KCNH7: variants seen among roughly 807,000 people sequenced by gnomAD.
KCNH7 encodes potassium voltage-gated channel subfamily H member 7, also known as voltage-gated inwardly rectifying potassium channel KCNH7.
In KCNH7, 49 loss-of-function variants were observed where a neutral mutation model predicts 120.8. The ratio of observed to expected loss-of-function variants is 0.41; its 90% CI spans 0.32 to 0.51. KCNH7 has a LOEUF of 0.51. Among genes scored for constraint, KCNH7 ranks in the 20% least tolerant of loss-of-function variants. KCNH7 has a pLI of 0.38. For synonymous variants in KCNH7, 547 were observed against 516.1 expected (o/e 1.06, Z -0.81); for missense variants, 1,097 against 1,446.6 (o/e 0.76, Z 3.92).
At chr2:162,784,560 A>G (rs1251274948) in intron 2 of KCNH7, 4 of 152,148 alleles carry the variant, frequency 2.6e-5, no homozygotes, top group African/African-American at 9.7e-5. Flanking sequence ...AAGTGGTTTT[A>G]TGTTAAATTT....
intron 2 of KCNH7, among the ~76,000 whole-genome samples, chr2:162,815,820 C>G (rs752747975): frequency 6.6e-6 from 1 of 152,174 alleles, no homozygotes; most frequent in Non-Finnish European, 1.5e-5. Flanking sequence ...TTTCAGTCTT[C>G]CAACAAAGTT....
intron 2 of KCNH7, among the ~76,000 whole-genome samples, chr2:162,754,033 C>T (rs1688703773): frequency 1.3e-5 from 2 of 151,962 alleles, no homozygotes; most frequent in Admixed American, 1.3e-4. Context: ...CAAGATAAAA[C>T]ACTATCCAAA....
At chr2:162,805,365 A>G (rs186002115) in intron 2 of KCNH7, among the ~76,000 whole-genome samples, 1 of 152,216 alleles carries the variant, frequency 6.6e-6, no homozygotes, top group Admixed American at 6.5e-5. Context: ...AGAATCTATA[A>G]GGAACTCAAA....
chr2:162,716,103 G>A (rs7606294), intron 2 of KCNH7, among the ~76,000 whole-genome samples: 49,616 of 151,942 alleles, frequency 0.33, 13,120 homozygotes, highest in African/African-American at 0.72. Flanking sequence ...AAAATAGAAT[G>A]TCTATCTATA....
intron 2 of KCNH7, among the ~76,000 whole-genome samples, chr2:162,648,735 G>A (rs905113475): frequency 2.6e-5 from 4 of 151,986 alleles, no homozygotes; most frequent in African/African-American, 7.3e-5. Flanking sequence ...TTGGCCTATA[G>A]AGTCTTAAAT....
At chr2:162,744,956 T>G (rs1046563343) in intron 2 of KCNH7, among the ~76,000 whole-genome samples, 1 of 152,192 alleles carries the variant, frequency 6.6e-6, no homozygotes, top group African/African-American at 2.4e-5. Context: ...AGACACCACT[T>G]AACTTTTTGG....
Position 162,806,439 on chromosome 2 carries a change from T to C in KCNH7, c.307+30098A>G, listed in dbSNP as rs1684541595. On this transcript the variant is annotated intron_variant, in intron 2 of 15. Coordinates refer to ENST00000332142, the MANE Select transcript of KCNH7 (RefSeq NM_033272.4). ...TTATGCCAGAAAATAGTAAATGCCT[T>C]TGAATGATAACTAACACACACTATT... Among the ~76,000 whole-genome samples the C allele has an allele frequency of 2.0e-5, 3 of 152,172 alleles. No homozygotes were observed. In the South Asian group the frequency reaches 6.2e-4, roughly 31 times the overall value.
At chr2:162,450,361 C>T (rs906080909) in intron 6 of KCNH7, among the ~76,000 whole-genome samples, 5 of 151,970 alleles carry the variant, frequency 3.3e-5, no homozygotes, top group East Asian at 1.9e-4. Flanking sequence ...TTTGACAATG[C>T]ATTTGTAGAA....
chr2:162,817,976 C>A (rs1380432340), intron 2 of KCNH7, among the ~76,000 whole-genome samples: 4 of 151,952 alleles, frequency 2.6e-5, no homozygotes, highest in Non-Finnish European at 5.9e-5. Flanking sequence ...AAAACAATTT[C>A]TTTGTCAAAT....
intron 2 of KCNH7, among the ~76,000 whole-genome samples, chr2:162,549,796 T>C (rs145764362): frequency 3.9e-5 from 6 of 152,324 alleles, no homozygotes; most frequent in African/African-American, 7.2e-5. Flanking sequence ...TAGAGATTAA[T>C]AAAACAGATA....
At chr2:162,522,542 T>C (rs1035756639) in intron 3 of KCNH7, among the ~76,000 whole-genome samples, 8 of 151,880 alleles carry the variant, frequency 5.3e-5, no homozygotes, top group African/African-American at 1.9e-4. Context: ...GCATGAAATA[T>C]AAAACATAGA....
intron 9 of KCNH7, among the ~76,000 whole-genome samples, chr2:162,420,341 A>G (rs928323770): frequency 6.6e-6 from 1 of 152,146 alleles, no homozygotes; most frequent in Non-Finnish European, 1.5e-5. Flanking sequence ...GCACTGCTGC[A>G]CTCTAGGCTG....
chr2:162,816,114 G>A lies in KCNH7; in HGVS notation c.307+20423C>T, dbSNP rs188581353. Reference sequence around the variant, plus strand: ...CTCTACTAAAAACCCAAAATTAGCCGGTTGTGGTGGCGCATGCCTGTAATC... The same window carrying A: ...CTCTACTAAAAACCCAAAATTAGCCAGTTGTGGTGGCGCATGCCTGTAATC... On this transcript the variant is annotated intron_variant, in intron 2 of 15. Coordinates refer to ENST00000332142, the MANE Select transcript of KCNH7 (RefSeq NM_033272.4). 7.1e-3 allele frequency among the ~76,000 whole-genome samples: 1,076 copies of A among 151,986 alleles called. 7 individuals are homozygous for A. The highest frequency in any genetic ancestry group is 0.041 in the Middle Eastern group (12 of 294).
intron 15 of KCNH7, 144 bp downstream of exon 15, chr2:162,373,326 C>A (rs937723604): frequency 1.1e-5 from 5 of 471,892 alleles, no homozygotes; most frequent in Non-Finnish European, 1.8e-5. Flanking sequence ...ATTACAGGGC[C>A]CATTTCCAGA....
intron 2 of KCNH7, among the ~76,000 whole-genome samples, chr2:162,685,138 T>C (rs1230292060): frequency 6.6e-6 from 1 of 151,288 alleles, no homozygotes; most frequent in Non-Finnish European, 1.5e-5. Context: ...TAAGTGGGAG[T>C]TGAACAATGA....
chr2:162,680,648 T>C lies in KCNH7; in HGVS notation c.308-143568A>G, dbSNP rs556570326. On this transcript the variant is annotated intron_variant, in intron 2 of 15. Transcript: ENST00000332142. ...TATTGGGAAGCTGCCATTATACTAA[T>C]AGAAATGTAAATACATATCATTAGA... Among the ~76,000 whole-genome samples, 137 of 151,882 alleles carry C rather than the reference T, an allele frequency of 9.0e-4. 1 individual carries two copies. The highest frequency in any genetic ancestry group is 3.4e-3 in the Middle Eastern group (1 of 294).
At chr2:162,773,059 A>T (rs1683112866) in intron 2 of KCNH7, among the ~76,000 whole-genome samples, 1 of 152,210 alleles carries the variant, frequency 6.6e-6, no homozygotes, top group Admixed American at 6.6e-5. Flanking sequence ...TGATCTTTAA[A>T]CATATTTTGT....
intron 2 of KCNH7, among the ~76,000 whole-genome samples, chr2:162,760,888 G>A (rs1688944847): frequency 6.6e-6 from 1 of 152,106 alleles, no homozygotes; most frequent in Admixed American, 6.6e-5. Context: ...AGAAAGATCC[G>A]CACAAGGTAT....
chr2:162,626,494 A>G (rs951483934), intron 2 of KCNH7, among the ~76,000 whole-genome samples: 3 of 152,174 alleles, frequency 2.0e-5, no homozygotes, highest in Non-Finnish European at 4.4e-5. Flanking sequence ...ATTTCCTGTG[A>G]TTGAAGATAC....
Sources: gnomAD v4.1 joint callset for allele counts (sites outside exome capture counted in the v4.1 genomes callset) on GRCh38, gnomAD v4.1.1 for gene constraint, MANE v1.5 for transcripts, NCBI Gene and HGNC (gene_info 2026-07-23, HGNC 2026-07-21) for gene names.